IKBKB: variants seen among roughly 807,000 people sequenced by gnomAD.
IKBKB encodes inhibitor of nuclear factor kappa-B kinase subunit beta.
Under a neutral mutation model 113.6 loss-of-function variants are expected in IKBKB, and 42 were observed. That is an observed-to-expected ratio of 0.37 (90% CI 0.29 to 0.48). IKBKB has a LOEUF of 0.48. Among genes scored for constraint, IKBKB ranks in the 20% least tolerant of loss-of-function variants. IKBKB has a pLI of 0.99. For synonymous variants in IKBKB, 296 were observed against 361.3 expected (o/e 0.82, Z 2.05); for missense variants, 673 against 939.7 (o/e 0.72, Z 3.71).
At chr8:42,325,891 T>G (rs1483007891) in intron 19 of IKBKB, 79 bp from the exon 20 acceptor site, 14 of 1,582,142 alleles carry the variant, frequency 8.8e-6, no homozygotes, top group Non-Finnish European at 6.0e-6. Flanking sequence ...GCCAGTTGTC[T>G]CCTAAGAAAA....
rs1184918253 is a variant in IKBKB, at chr8:42,319,371, G to T, written c.1466G>T (p.Ser489Ile). 3 of 1,614,150 alleles carry T rather than the reference G, an allele frequency of 1.9e-6. No individual in the cohort carries two copies. Among genetic ancestry groups the T allele is most frequent in the Admixed American group, 1.7e-5 (1 of 60,018 alleles). The change falls in exon 14 of 22, where the codon AGC becomes ATC. Residue 489 changes from serine (S) to isoleucine (I), a missense_variant. Coordinates refer to ENST00000520810, the MANE Select transcript of IKBKB (RefSeq NM_001556.3). ...LKAKLDFFKT[S>I]IQIDLEKYSE... ...GCCAAGTTGGATTTCTTCAAAACCA[G>T]CATCCAGATTGACCTGGAGAAGTAC... is the stretch of plus-strand genomic sequence containing the variant.
chr8:42,271,682 G>A (rs1297655080), intron 1 of IKBKB: 1 of 530,276 alleles, frequency 1.9e-6, no homozygotes, highest in Non-Finnish European at 3.3e-6. Flanking sequence ...AGGGGAACCT[G>A]CGATTTATGG....
chr8:42,293,718 T>C (rs950533051), intron 5 of IKBKB: 1 of 710,266 alleles, frequency 1.4e-6, no homozygotes, highest in Non-Finnish European at 2.3e-6. Flanking sequence ...TAGGTTTCCC[T>C]TCCTTCCTGA....
chr8:42,322,628 C>T (rs1050011363), intron 19 of IKBKB, 134 bp downstream of exon 19: 25 of 869,420 alleles, frequency 2.9e-5, no homozygotes, highest in Admixed American at 1.4e-4. Context: ...TCGGGCTTCA[C>T]GTCGCTGTTC....
chr8:42,326,868 T>G (rs1408955428), intron 20 of IKBKB, among the ~76,000 whole-genome samples: 1 of 152,102 alleles, frequency 6.6e-6, no homozygotes, highest in Non-Finnish European at 1.5e-5. Flanking sequence ...TTCCTGTGTT[T>G]TGTTTTGTTT....
At position 42,325,997 on chromosome 8, in the gene IKBKB, A is replaced by G. The variant is rs912467971; in HGVS notation, c.2014A>G (p.Ser672Gly). 5 of 1,614,110 alleles carry G rather than the reference A, an allele frequency of 3.1e-6. No homozygotes were observed. Among genetic ancestry groups the G allele is most frequent in the African/African-American group, 2.7e-5 (2 of 74,934 alleles). Residue 672 changes from serine (S) to glycine (G), a missense_variant, in exon 20 of 22, where the codon AGC becomes GGC. By Grantham distance (56) the Ser-to-Gly change is moderately conservative. Coordinates refer to ENST00000520810, the MANE Select transcript of IKBKB (RefSeq NM_001556.3). ...CSKVRGPVSG[S>G]PDSMNASRLS... ...CAAGGTCCGTGGTCCTGTCAGTGGA[A>G]GCCCGGATAGCATGAATGCCTCTCG...
At chr8:42,329,255 C>CT in intron 21 of IKBKB, 41 bp downstream of exon 21, 1 of 1,527,052 alleles carries the variant, frequency 6.5e-7, no homozygotes, top group Non-Finnish European at 8.8e-7. Context: ...CATGTCCTTT[C>CT]TTTCTATGGC....
Position 42,299,362 on chromosome 8 carries a change from G to A in IKBKB, c.389-5825G>A, listed in dbSNP as rs1814646922. 2.6e-5 allele frequency among the ~76,000 whole-genome samples: 4 copies of A among 152,134 alleles called. No homozygotes were observed. The South Asian group carries it at 8.3e-4, about 32-fold the overall frequency. On this transcript the variant is annotated intron_variant, in intron 5 of 21. Coordinates refer to ENST00000520810, the MANE Select transcript of IKBKB (RefSeq NM_001556.3). ...ACCCTGTGTGCTAACCTACCCTTCT[G>A]TCTTGGAAGGGCACTTCCATCACAG...
At chr8:42,302,296 A>G (rs1199201474) in intron 5 of IKBKB, among the ~76,000 whole-genome samples, 1 of 152,274 alleles carries the variant, frequency 6.6e-6, no homozygotes, top group Non-Finnish European at 1.5e-5. Flanking sequence ...ATTGAGAACA[A>G]GATGAAATAT....
chr8:42,291,971 T>TAAATA (rs200411015), intron 4 of IKBKB, among the ~76,000 whole-genome samples: 1 of 152,040 alleles, frequency 6.6e-6, no homozygotes, highest in African/African-American at 2.4e-5. Flanking sequence ...AAGAGACAGA[T>TAAATA]AAATAAAATA....
At chr8:42,309,597 A>T in intron 8 of IKBKB, 1 of 247,126 alleles carries the variant, frequency 4.0e-6, no homozygotes, top group East Asian at 1.3e-4. Flanking sequence ...TCTACTAAAA[A>T]CCCTAGCCAG....
At chr8:42,292,306 G>A (rs1432602787) in intron 4 of IKBKB, among the ~76,000 whole-genome samples, 5 of 152,186 alleles carry the variant, frequency 3.3e-5, no homozygotes, top group African/African-American at 1.2e-4. Flanking sequence ...TGGTCTTTTA[G>A]GTGGCAAAGA....
intron 8 of IKBKB, among the ~76,000 whole-genome samples, chr8:42,312,249 T>C (rs779755495): frequency 3.9e-5 from 6 of 152,220 alleles, no homozygotes; most frequent in Non-Finnish European, 5.9e-5. Flanking sequence ...ATGTCTCTTA[T>C]TTATGACAAG....
intron 5 of IKBKB, among the ~76,000 whole-genome samples, chr8:42,303,137 G>GA (rs558546151): frequency 7.5e-5 from 11 of 146,596 alleles, no homozygotes; most frequent in African/African-American, 7.9e-5. Context: ...GAGAGAGAGA[G>GA]GAGAGAGAAT....
intron 5 of IKBKB, among the ~76,000 whole-genome samples, chr8:42,303,667 G>A (rs920475295): frequency 6.6e-6 from 1 of 152,032 alleles, no homozygotes; most frequent in East Asian, 1.9e-4. Flanking sequence ...ACCACACCCA[G>A]CTAATTTTTT....
chr8:42,286,138 A>G (rs913807185), intron 2 of IKBKB, among the ~76,000 whole-genome samples: 1 of 152,230 alleles, frequency 6.6e-6, no homozygotes, highest in African/African-American at 2.4e-5. Context: ...AAGCTTAGCC[A>G]AAGTGGTATT....
At chr8:42,282,056 A>G (rs925800079) in intron 2 of IKBKB, among the ~76,000 whole-genome samples, 29 of 152,184 alleles carry the variant, frequency 1.9e-4, no homozygotes, top group Non-Finnish European at 3.7e-4. Flanking sequence ...TATAAGTTTT[A>G]TGTTTACATG....
chr8:42,318,702 C>A, intron 13 of IKBKB, 27 bp downstream of exon 13: 2 of 1,569,582 alleles, frequency 1.3e-6, no homozygotes, highest in South Asian at 1.2e-5. Flanking sequence ...TTTTTTTAAA[C>A]TTAATTTATT....
At chr8:42,271,960 AAACCAGTTG>A in intron 1 of IKBKB, 114 bp from the exon 2 acceptor site, 1 of 1,086,384 alleles carries the variant, frequency 9.2e-7, no homozygotes, top group Admixed American at 2.8e-5. Flanking sequence ...ACAAAATAAA[AAACCAGTTG>A]TATTTTTCTT....
Sources: allele counts gnomAD v4.1 joint callset (sites outside exome capture counted in the v4.1 genomes callset), GRCh38; gene constraint gnomAD v4.1.1; transcripts MANE v1.5; gene names NCBI Gene and HGNC (gene_info 2026-07-23, HGNC 2026-07-21).